ANKS1B: variants seen among roughly 807,000 people sequenced by gnomAD.
The protein encoded by ANKS1B is ankyrin repeat and sterile alpha motif domain containing 1B.
Under a neutral mutation model 148.3 loss-of-function variants are expected in ANKS1B, and 36 were observed. The ratio of observed to expected loss-of-function variants is 0.24; its 90% CI spans 0.19 to 0.32. ANKS1B has a LOEUF of 0.32. Among genes scored for constraint, ANKS1B ranks in the 10% least tolerant of loss-of-function variants. The pLI is 1.00. For synonymous variants in ANKS1B, 542 were observed against 560.8 expected, an observed-to-expected ratio of 0.97 and a Z score of 0.47; for missense variants, 1,157 against 1,542.6, an observed-to-expected ratio of 0.75 and a Z score of 4.19.
chr12:99,515,779 A>G (rs10860453), intron 9 of ANKS1B, among the ~76,000 whole-genome samples: 8,214 of 152,102 alleles, frequency 0.054, 457 homozygotes, highest in East Asian at 0.3. Context: ...CATTCCCACC[A>G]ACAGTGTACC....
intron 17 of ANKS1B, among the ~76,000 whole-genome samples, chr12:98,867,785 C>A (rs1373679541): frequency 6.6e-6 from 1 of 151,760 alleles, no homozygotes; most frequent in African/African-American, 2.4e-5. Context: ...TGGTGTGGAC[C>A]CGGGAGGAGG....
At chr12:99,838,293 G>A (rs1043742846) in intron 1 of ANKS1B, among the ~76,000 whole-genome samples, 4 of 152,100 alleles carry the variant, frequency 2.6e-5, no homozygotes, top group Non-Finnish European at 4.4e-5. Flanking sequence ...ATACCCAGTC[G>A]TGGGATTCCT....
chr12:99,453,417 G>C (rs1452172454), intron 10 of ANKS1B, among the ~76,000 whole-genome samples: 2 of 152,206 alleles, frequency 1.3e-5, no homozygotes, highest in African/African-American at 4.8e-5. Flanking sequence ...ACTGAGGAAA[G>C]CAAGTAACCA....
chr12:98,982,304 A>G (rs1188588769), intron 17 of ANKS1B, among the ~76,000 whole-genome samples: 2 of 97,476 alleles, frequency 2.1e-5, no homozygotes, highest in Non-Finnish European at 5.0e-5. Flanking sequence ...CTGTAGTTCT[A>G]AAAAAAAAAA....
intron 1 of ANKS1B, among the ~76,000 whole-genome samples, chr12:99,951,939 A>G (rs544729418): frequency 1.3e-5 from 2 of 152,280 alleles, no homozygotes; most frequent in East Asian, 3.9e-4. Context: ...ATCCACAAGC[A>G]TGTTTTCATG....
chr12:99,035,001 T>C (rs968883797), intron 17 of ANKS1B, among the ~76,000 whole-genome samples: 4 of 152,158 alleles, frequency 2.6e-5, no homozygotes, highest in Admixed American at 2.0e-4. Flanking sequence ...GGTGACATGA[T>C]GTGAGCTGAG....
intron 9 of ANKS1B, among the ~76,000 whole-genome samples, chr12:99,523,408 G>A (rs974343723): frequency 1.3e-5 from 2 of 152,206 alleles, no homozygotes; most frequent in Non-Finnish European, 2.9e-5. Flanking sequence ...CAGATGGGGA[G>A]ATGGTAACAG....
chr12:98,819,901 G>A (rs59788357), intron 19 of ANKS1B, among the ~76,000 whole-genome samples: 2,386 of 152,190 alleles, frequency 0.016, 24 homozygotes, highest in Middle Eastern at 0.034. Context: ...ACAGAAAGGA[G>A]GTCATATCAT....
chr12:99,906,105 A>G (rs1048474056), intron 1 of ANKS1B, among the ~76,000 whole-genome samples: 36 of 152,206 alleles, frequency 2.4e-4, no homozygotes, highest in African/African-American at 8.2e-4. Context: ...TATGTTACAA[A>G]TTATGGGTGT....
At chr12:99,392,292 T>C (rs1401354953) in intron 12 of ANKS1B, among the ~76,000 whole-genome samples, 1 of 152,260 alleles carries the variant, frequency 6.6e-6, no homozygotes. Flanking sequence ...CATTTGCCTT[T>C]CTGGCAATCC....
chr12:99,030,336 C>T (rs1056103895), intron 17 of ANKS1B, among the ~76,000 whole-genome samples: 3 of 152,092 alleles, frequency 2.0e-5, no homozygotes, highest in Non-Finnish European at 2.9e-5. Flanking sequence ...TTCTACATAC[C>T]CTGGTTCTAA....
chr12:99,520,900 G>A (rs936918330), intron 9 of ANKS1B, among the ~76,000 whole-genome samples: 11 of 152,054 alleles, frequency 7.2e-5, no homozygotes, highest in Non-Finnish European at 1.3e-4. Context: ...TGGTTCAAAC[G>A]ATTCTCCTGC....
chr12:98,812,312 T>C (rs1282145316), intron 19 of ANKS1B, among the ~76,000 whole-genome samples: 1 of 152,178 alleles, frequency 6.6e-6, no homozygotes, highest in Non-Finnish European at 1.5e-5. Context: ...TCACCTACAG[T>C]ATTCAGTATA....
chr12:98,768,802 G>A (rs1593150881), intron 25 of ANKS1B, among the ~76,000 whole-genome samples: 1 of 148,590 alleles, frequency 6.7e-6, no homozygotes, highest in East Asian at 2.0e-4. Flanking sequence ...CTCCACCCCC[G>A]CCTCACATCT....
chr12:99,648,852 G>A, intron 9 of ANKS1B: 2 of 1,523,388 alleles, frequency 1.3e-6, no homozygotes, highest in East Asian at 4.6e-5. Context: ...TACAGGTCCT[G>A]TAAAGCCTTT....
At chr12:99,404,439 C>T (rs932038066) in intron 11 of ANKS1B, among the ~76,000 whole-genome samples, 1 of 145,294 alleles carries the variant, frequency 6.9e-6, no homozygotes, top group Non-Finnish European at 1.5e-5. Context: ...ATAAATTTAA[C>T]AAAGAGATTG....
intron 9 of ANKS1B, among the ~76,000 whole-genome samples, chr12:99,634,336 T>C (rs2098208773): frequency 6.6e-6 from 1 of 152,126 alleles, no homozygotes; most frequent in Admixed American, 6.6e-5. Flanking sequence ...CCTCACCATG[T>C]GAGGCCCTGC....
At chr12:99,910,462 C>T (rs752165760) in intron 1 of ANKS1B, among the ~76,000 whole-genome samples, 2 of 151,388 alleles carry the variant, frequency 1.3e-5, no homozygotes, top group Non-Finnish European at 2.9e-5. Context: ...ATAGGCCACA[C>T]ATTGTATGAT....
intron 10 of ANKS1B, among the ~76,000 whole-genome samples, chr12:99,496,948 A>G (rs1267669362): frequency 6.6e-6 from 1 of 152,090 alleles, no homozygotes. Context: ...AGCATCCTCA[A>G]TTGCCTCTCC....
Sources: gnomAD v4.1 joint callset for allele counts (sites outside exome capture counted in the v4.1 genomes callset) on GRCh38, gnomAD v4.1.1 for gene constraint, MANE v1.5 for transcripts, NCBI Gene and HGNC (gene_info 2026-07-23, HGNC 2026-07-21) for gene names.